Variants in NFASC observed in about 807,000 individuals in gnomAD.
NFASC encodes the protein neurofascin homolog.
A neutral mutation model predicts 147.5 loss-of-function variants in NFASC; 43 were observed. The observed-to-expected ratio is 0.29, with a 90% CI of 0.23 to 0.38. The LOEUF is 0.38. Ranked by LOEUF, NFASC falls within the 10% of genes least tolerant of loss-of-function variation. The pLI is 1.00. For synonymous variants in NFASC, 622 were observed against 665.5 expected (o/e 0.93, Z 1.01); for missense variants, 1,320 against 1,689.0 (o/e 0.78, Z 3.83).
intron 8 of NFASC, 57 bp downstream of exon 8, chr1:204,957,883 C>G: frequency 6.5e-7 from 1 of 1,540,978 alleles, no homozygotes; most frequent in Non-Finnish European, 9.0e-7. Flanking sequence ...CCACTGATCC[C>G]ACCCAGCCCT....
chr1:204,909,730 A>C (rs2086887728), intron 1 of NFASC, among the ~76,000 whole-genome samples: 1 of 152,118 alleles, frequency 6.6e-6, no homozygotes, highest in African/African-American at 2.4e-5. Flanking sequence ...ATCCAATTTG[A>C]GTTTGTCTTT....
chr1:204,845,462 A>T (rs116062807), intron 1 of NFASC, among the ~76,000 whole-genome samples: 9,636 of 152,050 alleles, frequency 0.063, 644 homozygotes, highest in African/African-American at 0.17. Context: ...CATCTCAAAA[A>T]AATAATAATA....
chr1:204,984,542 A>G (rs1391801897), intron 21 of NFASC, among the ~76,000 whole-genome samples: 2 of 151,938 alleles, frequency 1.3e-5, no homozygotes, highest in African/African-American at 4.8e-5. Context: ...GCACACATGT[A>G]TCTTCAGAGC....
At position 204,976,803 on chromosome 1, in the gene NFASC, C is replaced by T; in HGVS notation, c.1831+8C>T. The stretch of plus-strand genomic sequence containing the variant: ...CCTACCTCACCGTGCTAGGTAACTG[C>T]CCATGCTCACCCTGGCACTGACCAG... On this transcript the variant is annotated splice_region_variant and intron_variant, in intron 16 of 29. Transcript: ENST00000339876. 1 of 1,611,920 alleles carries T rather than the reference C, an allele frequency of 6.2e-7. No homozygotes were observed. The highest frequency in any genetic ancestry group is 1.7e-5 in the Admixed American group (1 of 59,790).
chr1:204,850,165 A>G lies in NFASC; in HGVS notation c.-200+21383A>G, dbSNP rs138723301. Among the ~76,000 whole-genome samples the G allele has an allele frequency of 4.4e-3, 665 of 152,334 alleles. 5 individuals are homozygous for G. Among genetic ancestry groups the G allele is most frequent in the African/African-American group, 0.015 (637 of 41,580 alleles). ...CTCTCTAGGCCTCAGTTTCTTCATT[A>G]GAAAATTCTGTGAGGCAATGAGTGA... is the stretch of plus-strand genomic sequence containing the variant. On this transcript the variant is annotated intron_variant, in intron 1 of 29. Transcript: ENST00000339876.
rs553240832 is a variant in NFASC at position 204,954,438 on chromosome 1, G to C, written c.412+54G>C. 17 of 1,548,692 alleles carry C rather than the reference G, an allele frequency of 1.1e-5. No homozygotes were observed. The highest frequency in any genetic ancestry group is 2.3e-5 in the South Asian group (2 of 86,030). On this transcript the variant is annotated intron_variant, in intron 6 of 29. Transcript: ENST00000339876. This position sits in a 1 kb window ranked among gnomAD's most constrained non-coding sequence, Gnocchi z 5.7. ...CCCTGCTCCTGGGTAAATGGAGAGT[G>C]GGGGGTGTGGAAGGCCATTCCAGAA...
In NFASC at chr1:204,828,694, A is replaced by G; in HGVS notation, c.-288A>G. On this transcript the variant is annotated 5_prime_UTR_variant, in exon 1 of 30. Transcript: ENST00000339876. ...TGCCCTAATGCGGCGGCTGGCGGCG[A>G]GAGGCGCTGCAGGGGACGCGGGGGA... is the stretch of plus-strand genomic sequence containing the variant. 2 of 985,072 alleles carry G rather than the reference A, an allele frequency of 2.0e-6. No homozygotes were observed. The highest frequency in any genetic ancestry group is 2.4e-6 in the Non-Finnish European group (2 of 829,972). The allele number at this position is 985,072 out of a possible 1,614,324, so 61.0% of individuals were successfully genotyped here.
chr1:204,865,266 A>G (rs1031341047), intron 1 of NFASC, among the ~76,000 whole-genome samples: 3 of 152,252 alleles, frequency 2.0e-5, no homozygotes, highest in Admixed American at 1.3e-4. Context: ...ACAGTAACAG[A>G]TTAACAGCAA....
chr1:204,987,398 C>G lies in NFASC; in HGVS notation c.2471-20C>G, dbSNP rs2095639707. The G allele has an allele frequency of 2.5e-6, 4 of 1,611,508 alleles. No individual in the cohort carries two copies. The South Asian group carries it at 4.4e-5, about 18-fold the overall frequency. The stretch of plus-strand genomic sequence containing the variant: ...TGCCCCCTCCCCCTCATCTCCCCTG[C>G]TCTCTCCTCCTTCCCCAAGTACCCA... On this transcript the variant is annotated intron_variant, in intron 21 of 29. Transcript: ENST00000339876. This position sits in a 1 kb window ranked among gnomAD's most constrained non-coding sequence, Gnocchi z 4.4.
chr1:204,835,980 C>T (rs1375575580), intron 1 of NFASC, among the ~76,000 whole-genome samples: 1 of 152,178 alleles, frequency 6.6e-6, no homozygotes, highest in Non-Finnish European at 1.5e-5. Context: ...GAACTTTTCC[C>T]AGTGATGAAA....
chr1:204,864,778 C>A (rs1330224340), intron 1 of NFASC, among the ~76,000 whole-genome samples: 1 of 152,092 alleles, frequency 6.6e-6, no homozygotes, highest in Admixed American at 6.5e-5. Context: ...CCTGATATAG[C>A]CTGGATATTA....
Position 204,979,412 on chromosome 1 carries a change from G to A in NFASC, c.2029G>A (p.Asp677Asn). 6.2e-7 allele frequency: 1 copy of A among 1,614,154 alleles called. No individual in the cohort carries two copies. Residue 677 changes from aspartate (D) to asparagine (N), a missense_variant, in exon 19 of 30, where the codon GAC (aspartate) becomes AAC (asparagine). Physicochemically the swap from Asp to Asn is conservative, Grantham distance 23. Coordinates refer to ENST00000339876, the MANE Select transcript of NFASC (RefSeq NM_001005388.3). The surrounding 1 kb of genome is among the most constrained non-coding windows in gnomAD (Gnocchi z 6.0). ...EDQFQPGVWH[D>N]HSKYPGSVNS... ...CCAGTTCCAACCTGGGGTCTGGCATGACCATTCCAAGTACCCCGGCAGCGT... is the reference window on the plus strand; with the variant it reads ...CCAGTTCCAACCTGGGGTCTGGCATAACCATTCCAAGTACCCCGGCAGCGT...
Position 204,920,701 on chromosome 1 carries a change from C to G in NFASC, c.-130C>G, listed in dbSNP as rs2090274686. ...CCTCCGCAGCCTGGAACAGAGCCTC[C>G]TCTGGTGTTGCAAGGAAGAGGCTGA... On this transcript the variant is annotated 5_prime_UTR_variant, in exon 2 of 30. Transcript: ENST00000339876. 1 of 1,289,612 alleles carries G rather than the reference C, an allele frequency of 7.8e-7. No individual in the cohort carries two copies. Among genetic ancestry groups the G allele is most frequent in the Non-Finnish European group, 1.0e-6 (1 of 988,762 alleles). The allele number at this position is 1,289,612 out of a possible 1,614,324, so 79.9% of individuals were successfully genotyped here. A position where few individuals can be genotyped will look rare whatever the true frequency, so the allele number is the denominator to read the frequency against.
rs1039171874 is a variant in NFASC at position 204,968,839 on chromosome 1, T to C, written c.860T>C (p.Leu287Pro). 5.0e-6 allele frequency: 8 copies of C among 1,613,770 alleles called. No individual in the cohort carries two copies. In the African/African-American group the frequency reaches 1.1e-4, roughly 22 times the overall value. Residue 287 changes from leucine (L) to proline (P), a missense_variant, in exon 10 of 30, where the codon CTC (leucine) becomes CCC (proline). Leu to Pro is a moderately conservative substitution (Grantham distance 98). Transcript: ENST00000339876. This position sits in a 1 kb window ranked among gnomAD's most constrained non-coding sequence, Gnocchi z 5.4. ...GCATGGTACAAGAAAGGTGGGGACCTCCCATCTGATAAGGCCAAGTTTGAG... is the reference window on the plus strand; with the variant it reads ...GCATGGTACAAGAAAGGTGGGGACCCCCCATCTGATAAGGCCAAGTTTGAG... ...DIAWYKKGGD[L>P]PSDKAKFENF...
intron 2 of NFASC, among the ~76,000 whole-genome samples, chr1:204,930,751 A>G (rs1426533232): frequency 6.6e-6 from 1 of 152,254 alleles, no homozygotes; most frequent in African/African-American, 2.4e-5. Context: ...CAAAAAGGGA[A>G]TTTGCACTGT....
intron 1 of NFASC, among the ~76,000 whole-genome samples, chr1:204,831,409 G>C (rs1281082512): frequency 6.6e-6 from 1 of 151,398 alleles, no homozygotes; most frequent in East Asian, 2.0e-4. Context: ...GCTGAGAGCT[G>C]GGGGTGGGGT....
chr1:204,901,582 G>A (rs1278400326), intron 1 of NFASC, among the ~76,000 whole-genome samples: 1 of 152,170 alleles, frequency 6.6e-6, no homozygotes, highest in Admixed American at 6.5e-5. Flanking sequence ...ATCTTGATTG[G>A]AATGGATTTA....
In NFASC at chr1:204,878,972, T is replaced by C. The variant is rs528789986; in HGVS notation, c.-199-41660T>C. ...GCTTCCCTTTTGAAGAGCAATTTCT[T>C]CCTACAGTTTGATTTTTATTGGAGA... On this transcript the variant is annotated intron_variant, in intron 1 of 29. Coordinates refer to ENST00000339876, the MANE Select transcript of NFASC (RefSeq NM_001005388.3). Among the ~76,000 whole-genome samples the C allele has an allele frequency of 1.2e-3, 185 of 152,276 alleles. 2 individuals are homozygous for C. The highest frequency in any genetic ancestry group is 9.3e-3 in the South Asian group (45 of 4,826).
At chr1:204,938,532 C>G (rs1194267982) in intron 2 of NFASC, among the ~76,000 whole-genome samples, 1 of 152,190 alleles carries the variant, frequency 6.6e-6, no homozygotes, top group East Asian at 1.9e-4. Flanking sequence ...CCCAAGCCCC[C>G]CACCCTGCCG....
Sources: allele counts gnomAD v4.1 joint callset (sites outside exome capture counted in the v4.1 genomes callset), GRCh38; gene constraint gnomAD v4.1.1; non-coding constraint Gnocchi (gnomAD v3.1); transcripts MANE v1.5; gene names NCBI Gene and HGNC (gene_info 2026-07-23, HGNC 2026-07-21).